The following RAB6A variants were observed in gnomAD, a reference collection of about 807,000 sequenced individuals.
RAB6A encodes ras-related protein Rab-6A.
RAB6A carries 8 observed loss-of-function variants against 32.3 expected under a neutral mutation model. The ratio of observed to expected loss-of-function variants is 0.25; its 90% CI spans 0.15 to 0.45. RAB6A has a LOEUF of 0.45. Ranked by LOEUF, RAB6A falls within the 20% of genes least tolerant of loss-of-function variation. RAB6A has a pLI of 1.00. For missense variants in RAB6A, 104 were observed against 249.4 expected (o/e 0.42, Z 3.93); for synonymous variants, 73 against 82.1 (o/e 0.89, Z 0.60).
chr11:73,697,997 A>G (rs1373405545), intron 6 of RAB6A, among the ~76,000 whole-genome samples: 1 of 152,224 alleles, frequency 6.6e-6, no homozygotes, highest in Non-Finnish European at 1.5e-5. Flanking sequence ...AGGTGGGCAG[A>G]TCACCTGAGG....
chr11:73,683,501 G>A (rs1273845449), intron 6 of RAB6A, among the ~76,000 whole-genome samples: 1 of 151,410 alleles, frequency 6.6e-6, no homozygotes, highest in Admixed American at 6.6e-5. Flanking sequence ...CAAGTGATCT[G>A]CCTACCTCAG....
chr11:73,709,087 CCTA>C (rs1945897601), intron 5 of RAB6A, among the ~76,000 whole-genome samples: 1 of 152,062 alleles, frequency 6.6e-6, no homozygotes, highest in African/African-American at 2.4e-5. Context: ...GACCTTTAGC[CCTA>C]AATACTTCAG....
intron 5 of RAB6A, among the ~76,000 whole-genome samples, chr11:73,714,689 G>A (rs1001678124): frequency 1.3e-5 from 2 of 151,632 alleles, no homozygotes; most frequent in Non-Finnish European, 2.9e-5. Flanking sequence ...TAAAATAAAG[G>A]TACTGGCAGG....
intron 6 of RAB6A, among the ~76,000 whole-genome samples, chr11:73,694,265 T>A (rs1326402849): frequency 6.6e-6 from 1 of 152,228 alleles, no homozygotes; most frequent in East Asian, 1.9e-4. Flanking sequence ...GAGTACTTAC[T>A]CTGTTGGAAT....
At chr11:73,716,155 A>T in intron 5 of RAB6A, 96 bp downstream of exon 5, 7 of 912,758 alleles carry the variant, frequency 7.7e-6, no homozygotes, top group Non-Finnish European at 1.2e-5. Flanking sequence ...CTTAAGGATT[A>T]AGCATGTCTC....
intron 6 of RAB6A, among the ~76,000 whole-genome samples, chr11:73,688,429 G>A (rs1945494406): frequency 6.6e-6 from 1 of 152,172 alleles, no homozygotes; most frequent in Non-Finnish European, 1.5e-5. Flanking sequence ...CTCCCAGGAA[G>A]AGAGAGACAG....
At position 73,739,279 on chromosome 11, in the gene RAB6A, A is replaced by AT. The variant is rs61449011; in HGVS notation, c.71-8457_71-8456insA. Among the ~76,000 whole-genome samples the AT allele has an allele frequency of 1.3e-3, 60 of 44,812 alleles. 1 individual carries two copies. Among genetic ancestry groups the AT allele is most frequent in the African/African-American group, 2.8e-3 (45 of 16,196 alleles). The allele number at this position is 44,812 out of a possible 152,430, so 29.4% of individuals were successfully genotyped here. ...AATAATAATTAAAAAAAAAAAAAAA[A>AT]AAAAAATATATATATATATATATAT... On this transcript the variant is annotated intron_variant, in intron 1 of 7. Coordinates refer to ENST00000336083, the MANE Select transcript of RAB6A (RefSeq NM_198896.2).
Position 73,677,891 on chromosome 11 carries a change from T to A in RAB6A, c.*7A>T. ...CTTCTGAAGAAGGTTGAAGATGACA[T>A]GGGAGATTAGCAGGAACAGCCTCCT... On this transcript the variant is annotated 3_prime_UTR_variant, in exon 8 of 8. Coordinates refer to ENST00000336083, the MANE Select transcript of RAB6A (RefSeq NM_198896.2). 1 of 1,614,118 alleles carries A rather than the reference T, an allele frequency of 6.2e-7. No individual in the cohort carries two copies. Among genetic ancestry groups the A allele is most frequent in the Non-Finnish European group, 8.5e-7 (1 of 1,179,990 alleles).
chr11:73,750,858 C>T (rs151177670), intron 1 of RAB6A, among the ~76,000 whole-genome samples: 6 of 152,032 alleles, frequency 3.9e-5, no homozygotes, highest in African/African-American at 1.4e-4. Context: ...GCTCTGTCTC[C>T]CAGGCTAGAG....
intron 6 of RAB6A, among the ~76,000 whole-genome samples, chr11:73,689,784 A>C (rs1256482231): frequency 1.3e-5 from 2 of 151,494 alleles, no homozygotes; most frequent in Non-Finnish European, 2.9e-5. Flanking sequence ...CTGTAACCCA[A>C]CTACTTTGGG....
Position 73,728,615 on chromosome 11 carries a change from A to ATAATAATAG in RAB6A, c.129+2149_129+2150insCTATTATTA, listed in dbSNP as rs1183770264. Among the ~76,000 whole-genome samples, 526 of 146,846 alleles carry ATAATAATAG rather than the reference A, an allele frequency of 3.6e-3. 3 individuals are homozygous for ATAATAATAG. Among genetic ancestry groups the ATAATAATAG allele is most frequent in the African/African-American group, 0.012 (500 of 40,466 alleles). ...TAGCAAATCTGTCTTTGTTTAAATA[A>ATAATAATAG]TAATAATAATAATAATAATAATAAT... On this transcript the variant is annotated intron_variant, in intron 2 of 7. Transcript: ENST00000336083.
intron 2 of RAB6A, among the ~76,000 whole-genome samples, chr11:73,727,446 C>CT (rs942781417): frequency 1.3e-5 from 2 of 149,456 alleles, no homozygotes; most frequent in Non-Finnish European, 3.0e-5. Flanking sequence ...AAAAAAAGAA[C>CT]TTTTTTTTCC....
In RAB6A at chr11:73,679,939, A is replaced by G. The variant is rs182654663; in HGVS notation, c.496-219T>C. 8.0e-3 allele frequency among the ~76,000 whole-genome samples: 1,214 copies of G among 152,102 alleles called. 5 individuals carry two copies. The highest frequency in any genetic ancestry group is 0.013 in the Non-Finnish European group (866 of 67,962). On this transcript the variant is annotated intron_variant, in intron 6 of 7. Coordinates refer to ENST00000336083, the MANE Select transcript of RAB6A (RefSeq NM_198896.2). ...GTGAAACTCTGTCTCTACAAAAAAA[A>G]ACACAAAAATTAGCCAGGCGTGGTG... is the stretch of plus-strand genomic sequence containing the variant.
At chr11:73,735,139 C>A (rs1255964609) in intron 1 of RAB6A, among the ~76,000 whole-genome samples, 2 of 152,198 alleles carry the variant, frequency 1.3e-5, no homozygotes, top group African/African-American at 4.8e-5. Context: ...TAAAATCACA[C>A]CATCTGCACC....
intron 2 of RAB6A, chr11:73,722,754 C>T (rs1565365332): frequency 1.3e-5 from 2 of 151,892 alleles, no homozygotes; most frequent in African/African-American, 2.4e-5. Context: ...TACTAAGTGC[C>T]GATTTATACA....
At chr11:73,747,433 G>A (rs1294022213) in intron 1 of RAB6A, among the ~76,000 whole-genome samples, 2 of 52,582 alleles carry the variant, frequency 3.8e-5, no homozygotes, top group African/African-American at 4.9e-5. Context: ...CCTTGTGATC[G>A]GAACCCCCCC....
At chr11:73,716,133 G>C in intron 5 of RAB6A, 118 bp downstream of exon 5, 1 of 667,232 alleles carries the variant, frequency 1.5e-6, no homozygotes, top group East Asian at 2.9e-5. Flanking sequence ...GAAAAGCAGG[G>C]GAGGACGTAA....
At chr11:73,738,498 G>GA (rs1946436745) in intron 1 of RAB6A, among the ~76,000 whole-genome samples, 1 of 152,066 alleles carries the variant, frequency 6.6e-6, no homozygotes, top group Admixed American at 6.6e-5. Context: ...CATTTAAAAA[G>GA]AAATTTAGCC....
At chr11:73,735,783 T>C (rs534888504) in intron 1 of RAB6A, among the ~76,000 whole-genome samples, 19 of 152,240 alleles carry the variant, frequency 1.2e-4, no homozygotes, top group African/African-American at 4.6e-4. Flanking sequence ...ATAACCCATA[T>C]GCAGGACATA....
Sources: allele counts gnomAD v4.1 joint callset (sites outside exome capture counted in the v4.1 genomes callset), GRCh38; gene constraint gnomAD v4.1.1; transcripts MANE v1.5; gene names NCBI Gene and HGNC (gene_info 2026-07-23, HGNC 2026-07-21).